Variants in DNAH9 observed in about 807,000 individuals in gnomAD.
The protein encoded by DNAH9 is DNAH9 variant protein.
In DNAH9, 345 loss-of-function variants were observed where a neutral mutation model predicts 471.6. That is an observed-to-expected ratio of 0.73 (90% CI 0.67 to 0.80). The LOEUF (loss-of-function observed/expected upper bound fraction) is 0.80. DNAH9 is among the 30% of genes least tolerant of loss of function. DNAH9 has a pLI of 0.00. For synonymous variants in DNAH9, 2,093 were observed against 2,123.6 expected (o/e 0.99, Z 0.40); for missense variants, 5,407 against 5,609.2 (o/e 0.96, Z 1.15).
At chr17:11,668,406 C>A (rs1184872863) in intron 15 of DNAH9, among the ~76,000 whole-genome samples, 1 of 152,092 alleles carries the variant, frequency 6.6e-6, no homozygotes. Flanking sequence ...GTGGCTCATG[C>A]CTGTAATCTC....
intron 28 of DNAH9, among the ~76,000 whole-genome samples, chr17:11,737,047 C>G (rs2075359514): frequency 6.6e-6 from 1 of 152,242 alleles, no homozygotes; most frequent in Admixed American, 6.5e-5. Flanking sequence ...CATGGCAGAG[C>G]TGGGCTGGGC....
intron 11 of DNAH9, among the ~76,000 whole-genome samples, chr17:11,646,255 A>G (rs12149971): frequency 0.34 from 51,152 of 151,248 alleles, 8,853 homozygotes; most frequent in Middle Eastern, 0.42. Flanking sequence ...CCAACCTCAG[A>G]TGATCCACTT....
chr17:11,786,253 G>A (rs930336182), intron 41 of DNAH9, among the ~76,000 whole-genome samples: 1 of 152,074 alleles, frequency 6.6e-6, no homozygotes, highest in Non-Finnish European at 1.5e-5. Flanking sequence ...TAATACTCAC[G>A]ACAACCCTTT....
At chr17:11,742,142 AACTG>A (rs746172616) in intron 29 of DNAH9, 29 bp from the exon 30 acceptor site, 2 of 1,611,204 alleles carry the variant, frequency 1.2e-6, no homozygotes, top group Non-Finnish European at 1.7e-6. Flanking sequence ...GTACTTGGGA[AACTG>A]ACTGGGCCTT....
chr17:11,811,687 C>T (rs959347830), intron 45 of DNAH9, among the ~76,000 whole-genome samples: 1 of 152,110 alleles, frequency 6.6e-6, no homozygotes, highest in East Asian at 1.9e-4. Flanking sequence ...TTTCCTACCT[C>T]GTCTCTACCT....
rs1974558654 is a variant in DNAH9 at position 11,932,640 on chromosome 17, C to G, written c.12297+435C>G. ...ATGAGCACACAGAAGGGCTGCACCC[C>G]ACACAGGTGGGATGAGGCAGTGCCA... On this transcript the variant is annotated intron_variant, in intron 64 of 68. Coordinates refer to ENST00000262442, the MANE Select transcript of DNAH9 (RefSeq NM_001372.4). The surrounding 1 kb of genome is among the most constrained non-coding windows in gnomAD (Gnocchi z 4.3). 6.6e-6 allele frequency among the ~76,000 whole-genome samples: 1 copy of G among 152,226 alleles called. No homozygotes were observed. The highest frequency in any genetic ancestry group is 1.5e-5 in the Non-Finnish European group (1 of 68,036).
At chr17:11,944,817 A>T (rs568737868) in intron 67 of DNAH9, among the ~76,000 whole-genome samples, 1 of 152,324 alleles carries the variant, frequency 6.6e-6, no homozygotes, top group East Asian at 1.9e-4. Context: ...ACCAGCCAGG[A>T]AATTCTTATG....
chr17:11,871,397 GC>G (rs1238945367), intron 51 of DNAH9, among the ~76,000 whole-genome samples, 200 bp from the exon 52 acceptor site: 4 of 152,228 alleles, frequency 2.6e-5, no homozygotes, highest in Non-Finnish European at 5.9e-5. Flanking sequence ...TTCATGTGAT[GC>G]ATGACACAGA....
chr17:11,933,992 C>T lies in DNAH9; in HGVS notation c.12410C>T (p.Pro4137Leu). 3 of 1,614,172 alleles carry T rather than the reference C, an allele frequency of 1.9e-6. No homozygotes were observed. Among genetic ancestry groups the T allele is most frequent in the Middle Eastern group, 1.6e-4 (1 of 6,062 alleles). ...CRTYLGEFIR[P>L]EMLEGELSLA... ...ACCTACCTGGGGGAATTCATTCGAC[C>T]AGAAATGTTAGAAGGAGAACTGTCT... The change falls in exon 65 of 69, where the codon CCA becomes CTA. Residue 4137 changes from proline (P) to leucine (L), a missense_variant. Transcript: ENST00000262442.
Position 11,704,281 on chromosome 17 carries a change from A to G in DNAH9, c.5230A>G (p.Ser1744Gly), listed in dbSNP as rs112119111. 6.2e-7 allele frequency: 1 copy of G among 1,614,218 alleles called. No homozygotes were observed. The highest frequency in any genetic ancestry group is 8.5e-7 in the Non-Finnish European group (1 of 1,180,040). Residue 1744 changes from serine (S) to glycine (G), a missense_variant, in exon 25 of 69, where the codon AGT (serine) becomes GGT (glycine). Physicochemically the swap from Ser to Gly is moderately conservative, Grantham distance 56. This residue lies in a region of DNAH9 where 4,636 missense variants were observed against 4,900.3 expected (regional missense o/e 0.95). Coordinates refer to ENST00000262442, the MANE Select transcript of DNAH9 (RefSeq NM_001372.4). ...TGCCAGGCTGGAGGAAGGCTATGAG[A>G]GTGCCATGAAGGACTATTATAAGAA... ...AFARLEEGYESAMKDYYKKQV... is the reference protein window; with the variant it reads ...AFARLEEGYEGAMKDYYKKQV...
intron 12 of DNAH9, among the ~76,000 whole-genome samples, chr17:11,648,006 T>G (rs1219471156): frequency 6.6e-6 from 1 of 152,214 alleles, no homozygotes; most frequent in East Asian, 1.9e-4. Flanking sequence ...GAAACTGTTT[T>G]AGATGATCAG....
intron 17 of DNAH9, among the ~76,000 whole-genome samples, chr17:11,676,275 C>CTTTTTTTTTTTTTTTTTTTT (rs67397847): frequency 2.7e-5 from 2 of 73,884 alleles, no homozygotes; most frequent in African/African-American, 4.8e-5. Context: ...CATTTCTGTT[C>CTTTTTTTTTTTTTTTTTTTT]TTTTTTTTTT....
At chr17:11,869,275 C>T (rs1179020605) in intron 51 of DNAH9, 22 bp downstream of exon 51, 2 of 1,610,450 alleles carry the variant, frequency 1.2e-6, no homozygotes, top group South Asian at 2.2e-5. Context: ...CCACAGCAGC[C>T]CGAGCTGTAA....
chr17:11,918,511 A>C (rs893901246), intron 61 of DNAH9, among the ~76,000 whole-genome samples: 8 of 151,742 alleles, frequency 5.3e-5, no homozygotes, highest in African/African-American at 1.9e-4. Flanking sequence ...GATTATAGGC[A>C]TGAGTCACCA....
chr17:11,859,497 G>A (rs927407815), intron 50 of DNAH9, among the ~76,000 whole-genome samples: 9 of 151,922 alleles, frequency 5.9e-5, no homozygotes, highest in African/African-American at 2.2e-4. Flanking sequence ...ATTACATAGA[G>A]GCAGCTCCCT....
chr17:11,770,620 CTG>C (rs1968168469), intron 38 of DNAH9, among the ~76,000 whole-genome samples: 1 of 152,172 alleles, frequency 6.6e-6, no homozygotes, highest in Non-Finnish European at 1.5e-5. Flanking sequence ...CAGCAACTGA[CTG>C]TAGTTCAGAC....
At chr17:11,839,015 GTTTTA>G (rs1970940472) in intron 49 of DNAH9, among the ~76,000 whole-genome samples, 1 of 152,128 alleles carries the variant, frequency 6.6e-6, no homozygotes, top group African/African-American at 2.4e-5. Context: ...CATTTTGGCA[GTTTTA>G]TTTTGTTTTT....
chr17:11,647,485 T>C (rs543854969), intron 12 of DNAH9, among the ~76,000 whole-genome samples: 100 of 152,278 alleles, frequency 6.6e-4, no homozygotes, highest in South Asian at 3.5e-3. Context: ...TTCTGGGGTG[T>C]AGTGTTTTAT....
chr17:11,912,225 G>A (rs1156797101), intron 61 of DNAH9, among the ~76,000 whole-genome samples: 1 of 152,076 alleles, frequency 6.6e-6, no homozygotes, highest in Non-Finnish European at 1.5e-5. Flanking sequence ...TCACCATGTT[G>A]GCAGGATGGT....
Sources: allele counts gnomAD v4.1 joint callset (sites outside exome capture counted in the v4.1 genomes callset), GRCh38; gene constraint gnomAD v4.1.1; regional missense constraint gnomAD v4.1.1; non-coding constraint Gnocchi (gnomAD v3.1); transcripts MANE v1.5; gene names NCBI Gene and HGNC (gene_info 2026-07-23, HGNC 2026-07-21).